Variants in PSMG2 observed in about 807,000 individuals in gnomAD.
The protein encoded by PSMG2 is CD40 ligand-activated specific transcript 3.
A neutral mutation model predicts 31.5 loss-of-function variants in PSMG2; 21 were observed. The observed-to-expected ratio is 0.67, with a 90% confidence interval of 0.47 to 0.96. PSMG2 has a LOEUF of 0.96. Among genes scored for constraint, PSMG2 ranks in the 40% least tolerant of loss-of-function variants. The pLI, the probability that PSMG2 is intolerant of heterozygous loss-of-function variation, is 0.00. For missense variants in PSMG2, 318 were observed against 321.2 expected (o/e 0.99, Z 0.08); for synonymous variants, 120 against 110.4 (o/e 1.09, Z -0.54).
upstream of PSMG2, chr18:12,699,017 T>C: frequency 6.2e-7 from 1 of 1,613,776 alleles, no homozygotes; most frequent in Non-Finnish European, 8.5e-7. Context: ...AAAGCCATCA[T>C]GAAAATCTGG....
intron 3 of PSMG2, among the ~76,000 whole-genome samples, chr18:12,716,246 A>T (rs1189156284): frequency 2.6e-5 from 4 of 152,152 alleles, no homozygotes; most frequent in African/African-American, 9.7e-5. Flanking sequence ...TTTAGTTAAC[A>T]TTATATACCC....
At chr18:12,661,256 C>T (rs907405602) in intron 1 of PSMG2, 13 of 419,934 alleles carry the variant, frequency 3.1e-5, no homozygotes, top group East Asian at 3.2e-4. Flanking sequence ...TGCAGTGAGC[C>T]GAGATCACGC....
chr18:12,662,429 C>CA (rs1227212155), intron 1 of PSMG2, among the ~76,000 whole-genome samples: 1 of 152,196 alleles, frequency 6.6e-6, no homozygotes, highest in African/African-American at 2.4e-5. Context: ...TCCTGACCAG[C>CA]TCAGCTCTTT....
chr18:12,693,014 A>T (rs1026134948), intron 1 of PSMG2, among the ~76,000 whole-genome samples: 1 of 152,094 alleles, frequency 6.6e-6, no homozygotes, highest in African/African-American at 2.4e-5. Flanking sequence ...TGTAGAGATG[A>T]AGTCTACCTA....
chr18:12,716,720 A>G (rs1348504032), intron 3 of PSMG2, among the ~76,000 whole-genome samples: 1 of 151,958 alleles, frequency 6.6e-6, no homozygotes, highest in Non-Finnish European at 1.5e-5. Context: ...AATAGCAAAC[A>G]TTTATTGAGC....
chr18:12,682,121 A>G (rs2039371845), intron 1 of PSMG2, among the ~76,000 whole-genome samples: 1 of 152,236 alleles, frequency 6.6e-6, no homozygotes, highest in African/African-American at 2.4e-5. Context: ...ACGCGAAAGC[A>G]AAAATAACTA....
chr18:12,702,447 G>C, upstream of PSMG2: 1 of 1,504,528 alleles, frequency 6.6e-7, no homozygotes, highest in Non-Finnish European at 9.2e-7. Flanking sequence ...AAGGTTATGG[G>C]TCGGCCCGGC....
intron 2 of PSMG2, among the ~76,000 whole-genome samples, chr18:12,709,944 C>CTT (rs768131982): frequency 2.8e-4 from 37 of 132,216 alleles, no homozygotes; most frequent in African/African-American, 4.2e-4. Context: ...CCCTCATAAA[C>CTT]TTTTTTTTTT....
chr18:12,703,423 T>C (rs1279864692), intron 1 of PSMG2, among the ~76,000 whole-genome samples: 1 of 152,256 alleles, frequency 6.6e-6, no homozygotes, highest in East Asian at 1.9e-4. Flanking sequence ...TCGTACGTTC[T>C]AGATACACTG....
chr18:12,675,996 C>T (rs1301958107), intron 1 of PSMG2, among the ~76,000 whole-genome samples: 1 of 151,936 alleles, frequency 6.6e-6, no homozygotes, highest in Non-Finnish European at 1.5e-5. Context: ...CACCAAAAGA[C>T]CTATTGATAT....
chr18:12,683,186 C>CAAAAAAAAAAAAAAAAAAAAAAAAAAAAA (rs765652085), intron 1 of PSMG2, among the ~76,000 whole-genome samples: 4 of 63,678 alleles, frequency 6.3e-5, no homozygotes, highest in African/African-American at 1.2e-4. Context: ...CTAAAAATAC[C>CAAAAAAAAAAAAAAAAAAAAAAAAAAAAA]AAAAAAAAAA....
chr18:12,717,834 C>T lies in PSMG2; in HGVS notation c.289-683C>T, dbSNP rs9960826. Among the ~76,000 whole-genome samples, 377 of 152,138 alleles carry T rather than the reference C, an allele frequency of 2.5e-3. 3 individuals are homozygous for T. The highest frequency in any genetic ancestry group is 8.8e-3 in the African/African-American group (364 of 41,522). Reference sequence around the variant, plus strand: ...ATTCATCTGATTGTTTCCATGTGACCAGATTCGGGTCACAAATTTCTGGCA... The same window carrying T: ...ATTCATCTGATTGTTTCCATGTGACTAGATTCGGGTCACAAATTTCTGGCA... On this transcript the variant is annotated intron_variant, in intron 3 of 6. Coordinates refer to ENST00000317615, the MANE Select transcript of PSMG2 (RefSeq NM_020232.5).
chr18:12,661,023 G>A (rs563610128), intron 1 of PSMG2, among the ~76,000 whole-genome samples: 1 of 152,218 alleles, frequency 6.6e-6, no homozygotes, highest in South Asian at 2.1e-4. Flanking sequence ...GTTTTGATAA[G>A]CTGGCCAGGC....
intron 1 of PSMG2, chr18:12,661,335 C>A (rs1340353272): frequency 1.0e-6 from 1 of 982,558 alleles, no homozygotes; most frequent in Non-Finnish European, 1.2e-6. Context: ...AATTGATAAG[C>A]CTTACCGTCA....
At position 12,724,618 on chromosome 18, in the gene PSMG2, T is replaced by C; in HGVS notation, c.701T>C (p.Leu234Pro). The C allele has an allele frequency of 1.9e-6, 3 of 1,597,254 alleles. No homozygotes were observed. In the South Asian group the frequency reaches 3.4e-5, roughly 18 times the overall value. ...GAGTGGCTTCAGATACTCAAACCAC[T>C]TGTAAGTTCTATTATAGCTTAAGCC... is the stretch of plus-strand genomic sequence containing the variant. ...LNEWLQILKP[L>P]SDDPTVSASR... is the part of the protein sequence containing the mutation. The change falls in exon 6 of 7, where the codon CTT becomes CCT. Residue 234 changes from leucine (L) to proline (P), a missense_variant and splice_region_variant. Physicochemically the swap from Leu to Pro is moderately conservative, Grantham distance 98. Coordinates refer to ENST00000317615, the MANE Select transcript of PSMG2 (RefSeq NM_020232.5).
chr18:12,669,933 G>GTTGCAGTGAGCCGAGA (rs1555641006), intron 1 of PSMG2, among the ~76,000 whole-genome samples: 1 of 149,454 alleles, frequency 6.7e-6, no homozygotes, highest in Admixed American at 6.7e-5. Context: ...GGAGGCGGAG[G>GTTGCAGTGAGCCGAGA]TTGCGGTGAG....
At chr18:12,710,104 G>A (rs2040314759) in intron 2 of PSMG2, among the ~76,000 whole-genome samples, 4 of 151,904 alleles carry the variant, frequency 2.6e-5, no homozygotes, top group South Asian at 4.2e-4. Flanking sequence ...CATCACGCCC[G>A]GCTACTTTTT....
At chr18:12,701,171 C>G (rs1197870468), upstream of PSMG2, 3 of 1,352,544 alleles carry the variant, frequency 2.2e-6, no homozygotes, top group African/African-American at 4.4e-5. Context: ...AATACTGCTT[C>G]TGAAGTTTTA....
rs2040466256 is a variant in PSMG2, at chr18:12,725,349, G to T, written c.703-90G>T. ...CTGGCTATAAAAGTGCCAACCAAAA[G>T]GAACACAAAAGGAGAGTTTTATAAT... On this transcript the variant is annotated intron_variant, in intron 6 of 6. Coordinates refer to ENST00000317615, the MANE Select transcript of PSMG2 (RefSeq NM_020232.5). The T allele has an allele frequency of 3.9e-6, 4 of 1,036,386 alleles. No homozygotes were observed. The South Asian group carries it at 7.6e-5, about 20-fold the overall frequency. 64.2% of individuals were successfully genotyped at this position (1,036,386 alleles called of 1,614,324 possible). A position where few individuals can be genotyped will look rare whatever the true frequency, so the allele number is the denominator to read the frequency against.
Sources: gnomAD v4.1 joint callset for allele counts (sites outside exome capture counted in the v4.1 genomes callset) on GRCh38, gnomAD v4.1.1 for gene constraint, MANE v1.5 for transcripts, NCBI Gene and HGNC (gene_info 2026-07-23, HGNC 2026-07-21) for gene names.